Variants in KIF13A observed in about 807,000 individuals in gnomAD.
KIF13A encodes kinesin-like protein KIF13A.
A neutral mutation model predicts 212.2 loss-of-function variants in KIF13A; 79 were observed. The observed-to-expected ratio is 0.37, with a 90% confidence interval of 0.31 to 0.45. The LOEUF (loss-of-function observed/expected upper bound fraction) is 0.45. Among genes scored for constraint, KIF13A ranks in the 20% least tolerant of loss-of-function variants. The pLI, the probability that KIF13A is intolerant of heterozygous loss-of-function variation, is 1.00. For synonymous variants in KIF13A, 789 were observed against 808.6 expected (o/e 0.98, Z 0.41); for missense variants, 1,901 against 2,209.0 (o/e 0.86, Z 2.79).
At chr6:17,827,266 C>T (rs767998611) in intron 14 of KIF13A, among the ~76,000 whole-genome samples, 35 of 150,986 alleles carry the variant, frequency 2.3e-4, no homozygotes, top group South Asian at 4.2e-4. Context: ...GCTCATTTTT[C>T]GTATTTTTTT....
At chr6:17,801,236 A>C (rs1011665537) in intron 20 of KIF13A, among the ~76,000 whole-genome samples, 2 of 151,664 alleles carry the variant, frequency 1.3e-5, no homozygotes, top group African/African-American at 4.8e-5. Flanking sequence ...TCAAGCCTAT[A>C]ATCACAGCAC....
chr6:17,809,049 AT>A lies in KIF13A; in HGVS notation c.2001-120del. On this transcript the variant is annotated intron_variant, in intron 17 of 38. Transcript: ENST00000259711. The surrounding 1 kb of genome is among the most constrained non-coding windows in gnomAD (Gnocchi z 4.7). The stretch of plus-strand genomic sequence containing the variant: ...CCTCTCGGGCAGTATTTTTCAAACT[AT>A]TTTACCAGACTACCTCTCATCCTTC... 2.1e-6 allele frequency: 2 copies of A among 932,014 alleles called. No homozygotes were observed. Among genetic ancestry groups the A allele is most frequent in the Non-Finnish European group, 3.1e-6 (2 of 644,394 alleles). The allele number at this position is 932,014 out of a possible 1,614,324, so 57.7% of individuals were successfully genotyped here.
Position 17,850,430 on chromosome 6 carries a change from T to C in KIF13A, c.610A>G (p.Asn204Asp). The C allele has an allele frequency of 1.2e-6, 2 of 1,613,654 alleles. No individual in the cohort carries two copies. The highest frequency in any genetic ancestry group is 1.7e-6 in the Non-Finnish European group (2 of 1,179,754). The change falls in exon 8 of 39, where the codon AAT becomes GAT. Residue 204 changes from asparagine to aspartate, a missense_variant. Asn to Asp is a conservative substitution (Grantham distance 23). Around this residue, in one of 5 missense-constraint regions of KIF13A, gnomAD observed 506 missense variants for 637.4 expected, o/e 0.79. Transcript: ENST00000259711. The surrounding 1 kb of genome is among the most constrained non-coding windows in gnomAD (Gnocchi z 6.2). ...GTAGCAGCTACCGTTCGAGACTTAT[T>C]TCCCTCAGACATCAATGACTCAATA... The part of the protein sequence containing the change: ...EDIESLMSEG[N>D]KSRTVAATNM...
intron 2 of KIF13A, among the ~76,000 whole-genome samples, chr6:17,943,104 T>A (rs1192361833): frequency 6.6e-6 from 1 of 152,230 alleles, no homozygotes; most frequent in Non-Finnish European, 1.5e-5. Context: ...AAAAGTTCGT[T>A]CATTCTGCAA....
At chr6:17,760,593 CACTT>C (rs1408284387), downstream of KIF13A, 1 of 567,398 alleles carries the variant, frequency 1.8e-6, no homozygotes, top group South Asian at 2.2e-5. Context: ...AAAATACTGT[CACTT>C]AGTTAATCCA....
intron 38 of KIF13A, among the ~76,000 whole-genome samples, chr6:17,767,955 G>A (rs558890364): frequency 3.3e-5 from 5 of 152,132 alleles, no homozygotes; most frequent in Non-Finnish European, 4.4e-5. Flanking sequence ...TTCAAATAGG[G>A]AGCAGTTCAC....
In KIF13A at chr6:17,799,233, C is replaced by T; in HGVS notation, c.2790+33G>A. The T allele has an allele frequency of 1.4e-6, 2 of 1,469,454 alleles. No individual in the cohort carries two copies. The highest frequency in any genetic ancestry group is 2.3e-5 in the East Asian group (1 of 42,982). 91.0% of individuals were successfully genotyped at this position (1,469,454 alleles called of 1,614,324 possible). A position where few individuals can be genotyped will look rare whatever the true frequency, so the allele number is the denominator to read the frequency against. On this transcript the variant is annotated intron_variant, in intron 22 of 38. Transcript: ENST00000259711. The surrounding 1 kb of genome is among the most constrained non-coding windows in gnomAD (Gnocchi z 4.4). The stretch of plus-strand genomic sequence containing the variant: ...TGAACTGCACCAATTTCTGCTGCTT[C>T]CTACACAGCTCATTTGGTAATGGCA...
At chr6:17,821,689 G>C (rs1231909503) in intron 16 of KIF13A, 1 of 1,336,998 alleles carries the variant, frequency 7.5e-7, no homozygotes, top group East Asian at 2.5e-5. Flanking sequence ...AATCATGTTA[G>C]TTAGATTTTT....
chr6:17,976,535 C>G lies in KIF13A; in HGVS notation c.146+10519G>C, dbSNP rs932079022. On this transcript the variant is annotated intron_variant, in intron 2 of 38. Coordinates refer to ENST00000259711, the MANE Select transcript of KIF13A (RefSeq NM_022113.6). ...CAGAACTCCAGCTGGCCCGCAAGCG[C>G]GGCGCGCAGCCCCGGTTCCCGCTCG... Among the ~76,000 whole-genome samples the G allele has an allele frequency of 2.0e-5, 3 of 152,176 alleles. No homozygotes were observed. The South Asian group carries it at 6.2e-4, about 31-fold the overall frequency.
At chr6:17,975,195 T>TA (rs564880271) in intron 2 of KIF13A, among the ~76,000 whole-genome samples, 89 of 151,306 alleles carry the variant, frequency 5.9e-4, no homozygotes, top group Admixed American at 1.6e-3. Context: ...AATAAAAAAA[T>TA]AAAAAAAAAC....
At position 17,837,424 on chromosome 6, in the gene KIF13A, G is replaced by A. The variant is rs540688949; in HGVS notation, c.942+48C>T. Reference sequence around the variant, plus strand: ...TACACACCTTTACTCTGTCACATCTGGAATAGCCAATTTTTAGTTGGAAAA... The same window carrying A: ...TACACACCTTTACTCTGTCACATCTAGAATAGCCAATTTTTAGTTGGAAAA... On this transcript the variant is annotated intron_variant, in intron 10 of 38. Coordinates refer to ENST00000259711, the MANE Select transcript of KIF13A (RefSeq NM_022113.6). The surrounding 1 kb of genome is among the most constrained non-coding windows in gnomAD (Gnocchi z 5.4). 102 of 1,328,282 alleles carry A rather than the reference G, an allele frequency of 7.7e-5. No homozygotes were observed. Among genetic ancestry groups the A allele is most frequent in the Non-Finnish European group, 9.5e-5 (89 of 940,128 alleles). The allele number at this position is 1,328,282 out of a possible 1,614,324, so 82.3% of individuals were successfully genotyped here.
chr6:17,836,470 A>C (rs1765960851), intron 11 of KIF13A, among the ~76,000 whole-genome samples: 1 of 152,164 alleles, frequency 6.6e-6, no homozygotes, highest in Non-Finnish European at 1.5e-5. Context: ...GTATGGTATT[A>C]CTCATGTTGG....
rs183518719 is a variant in KIF13A at position 17,976,849 on chromosome 6, C to T, written c.146+10205G>A. Among the ~76,000 whole-genome samples the T allele has an allele frequency of 2.2e-3, 325 of 149,952 alleles. 9 individuals are homozygous for T. The East Asian group carries it at 0.055, about 25-fold the overall frequency. ...CTGGGTGTGGTGGCTCACCTGTAAT[C>T]CCAGCACTTTGGGAGGCCAAGGTGG... On this transcript the variant is annotated intron_variant, in intron 2 of 38. Coordinates refer to ENST00000259711, the MANE Select transcript of KIF13A (RefSeq NM_022113.6).
rs1268025631 is a variant in KIF13A at position 17,816,270 on chromosome 6, C to T, written c.2000+750G>A. On this transcript the variant is annotated intron_variant, in intron 17 of 38. Transcript: ENST00000259711. This position sits in a 1 kb window ranked among gnomAD's most constrained non-coding sequence, Gnocchi z 4.3. ...CCAGGCTGGAGTGTGGTGGCATGAT[C>T]GCAGCTCACTAAAGCCTTGATCTCT... is the stretch of plus-strand genomic sequence containing the variant. 1.3e-5 allele frequency among the ~76,000 whole-genome samples: 2 copies of T among 151,910 alleles called. No homozygotes were observed. Among genetic ancestry groups the T allele is most frequent in the Non-Finnish European group, 2.9e-5 (2 of 67,992 alleles).
At position 17,849,588 on chromosome 6, in the gene KIF13A, C is replaced by A; in HGVS notation, c.718-99G>T. 1 of 725,920 alleles carries A rather than the reference C, an allele frequency of 1.4e-6. No homozygotes were observed. The highest frequency in any genetic ancestry group is 2.2e-6 in the Non-Finnish European group (1 of 448,760). The allele number at this position is 725,920 out of a possible 1,614,324, so 45.0% of individuals were successfully genotyped here. On this transcript the variant is annotated intron_variant, in intron 8 of 38. Transcript: ENST00000259711. The surrounding 1 kb of genome is among the most constrained non-coding windows in gnomAD (Gnocchi z 5.7). ...CACTATAATTGAGCAATCCATCCCA[C>A]TCTCATATGGCAAATTTCTTAAGTT...
intron 4 of KIF13A, among the ~76,000 whole-genome samples, chr6:17,860,345 A>G (rs371052542): frequency 6.6e-6 from 1 of 151,796 alleles, no homozygotes; most frequent in South Asian, 2.1e-4. Context: ...CCCACCACCA[A>G]GTCCAGCTAC....
At chr6:17,952,673 G>A (rs192103157) in intron 2 of KIF13A, among the ~76,000 whole-genome samples, 1 of 152,148 alleles carries the variant, frequency 6.6e-6, no homozygotes, top group African/African-American at 2.4e-5. Context: ...GCTCATGCCT[G>A]TAATCCCAGC....
chr6:17,923,141 G>A (rs1353467570), intron 2 of KIF13A, among the ~76,000 whole-genome samples: 4 of 151,854 alleles, frequency 2.6e-5, no homozygotes, highest in African/African-American at 7.3e-5. Context: ...AGGCATGGTC[G>A]CAGGTGCCTG....
At chr6:17,823,345 T>C (rs1764636758) in intron 16 of KIF13A, among the ~76,000 whole-genome samples, 1 of 151,874 alleles carries the variant, frequency 6.6e-6, no homozygotes, top group Admixed American at 6.6e-5. Context: ...ATACTCTTTA[T>C]ATAAATACAT....
Sources: allele counts gnomAD v4.1 joint callset (sites outside exome capture counted in the v4.1 genomes callset), GRCh38; gene constraint gnomAD v4.1.1; regional missense constraint gnomAD v4.1.1; non-coding constraint Gnocchi (gnomAD v3.1); transcripts MANE v1.5; gene names NCBI Gene and HGNC (gene_info 2026-07-23, HGNC 2026-07-21).